Variants in PRKG1 observed in about 807,000 individuals in gnomAD.
The protein encoded by PRKG1 is cGMP-dependent protein kinase 1.
In PRKG1, 35 loss-of-function variants were observed where a neutral mutation model predicts 88.1. The observed-to-expected ratio is 0.40, with a 90% CI of 0.30 to 0.53. The LOEUF (loss-of-function observed/expected upper bound fraction) is 0.53. Ranked by LOEUF, PRKG1 falls within the 20% of genes least tolerant of loss-of-function variation. The probability of loss-of-function intolerance (pLI) is 0.59; values close to 1 mark genes in which losing one functional copy is unlikely to be tolerated. For missense variants in PRKG1, 540 were observed against 839.8 expected (o/e 0.64, Z 4.41); for synonymous variants, 303 against 292.5 (o/e 1.04, Z -0.37).
intron 3 of PRKG1, among the ~76,000 whole-genome samples, chr10:51,484,873 T>G (rs973703442): frequency 1.3e-5 from 2 of 152,226 alleles, no homozygotes; most frequent in Non-Finnish European, 2.9e-5. Flanking sequence ...GTTGTTGTTC[T>G]GTTAAGTACG....
intron 2 of PRKG1, among the ~76,000 whole-genome samples, chr10:51,397,524 G>T (rs772676396): frequency 2.6e-5 from 4 of 152,076 alleles, no homozygotes; most frequent in Non-Finnish European, 5.9e-5. Context: ...ACTTGCTGTG[G>T]TTTAGAGGGT....
At chr10:52,133,473 TAGA>T (rs760706939) in intron 7 of PRKG1, among the ~76,000 whole-genome samples, 1 of 152,170 alleles carries the variant, frequency 6.6e-6, no homozygotes, top group Non-Finnish European at 1.5e-5. Context: ...ACTCAGTTTC[TAGA>T]AGTATAGCTT....
intron 3 of PRKG1, among the ~76,000 whole-genome samples, chr10:51,742,522 A>AGGT (rs1837460775): frequency 6.6e-6 from 1 of 152,170 alleles, no homozygotes; most frequent in Admixed American, 6.6e-5. Flanking sequence ...AGTTGGATGC[A>AGGT]GGTGGTATGA....
intron 7 of PRKG1, among the ~76,000 whole-genome samples, chr10:52,063,831 A>T (rs1435874848): frequency 6.6e-6 from 1 of 151,878 alleles, no homozygotes; most frequent in Non-Finnish European, 1.5e-5. Flanking sequence ...TCATCCCATC[A>T]TCTGCAGCTC....
chr10:51,540,523 T>C (rs1055750093), intron 3 of PRKG1, among the ~76,000 whole-genome samples: 9 of 152,160 alleles, frequency 5.9e-5, no homozygotes, highest in South Asian at 4.1e-4. Flanking sequence ...ATAAATTAGA[T>C]AGATAATAGA....
At chr10:52,058,753 T>C (rs562859547) in intron 6 of PRKG1, among the ~76,000 whole-genome samples, 1 of 151,226 alleles carries the variant, frequency 6.6e-6, no homozygotes, top group Admixed American at 6.6e-5. Flanking sequence ...ATAGGAAGAG[T>C]TCCTAGGCAT....
At chr10:51,085,246 G>A (rs747674899) in intron 1 of PRKG1, among the ~76,000 whole-genome samples, 3 of 152,142 alleles carry the variant, frequency 2.0e-5, no homozygotes, top group African/African-American at 4.8e-5. Context: ...TAATTCACTG[G>A]TGACTAAGTA....
intron 3 of PRKG1, among the ~76,000 whole-genome samples, chr10:51,728,464 T>G (rs1443184638): frequency 2.0e-5 from 3 of 148,496 alleles, no homozygotes; most frequent in African/African-American, 2.5e-5. Context: ...TTTTTTTTTT[T>G]TTTTTTTTTT....
chr10:51,085,274 G>A (rs1844220015), intron 1 of PRKG1, among the ~76,000 whole-genome samples: 1 of 152,166 alleles, frequency 6.6e-6, no homozygotes, highest in Non-Finnish European at 1.5e-5. Context: ...TTGTATTAAA[G>A]CGAGTAAGAG....
At chr10:51,283,153 C>T (rs1278385111) in intron 2 of PRKG1, among the ~76,000 whole-genome samples, 3 of 152,018 alleles carry the variant, frequency 2.0e-5, no homozygotes, top group Non-Finnish European at 2.9e-5. Context: ...AGAACCATTG[C>T]TACTGCCACT....
rs1340075667 is a variant in PRKG1 at position 52,100,667 on chromosome 10, T to G, written c.936-33173T>G. Among the ~76,000 whole-genome samples the G allele has an allele frequency of 2.0e-5, 3 of 152,324 alleles. No homozygotes were observed. The East Asian group carries it at 5.8e-4, about 29-fold the overall frequency. On this transcript the variant is annotated intron_variant, in intron 7 of 17. Transcript: ENST00000373980. ...TCTGTTGCCAAGAGACTACTCACTT[T>G]ATGTGAAATTATGGTCAAAACGAGA...
At chr10:52,191,190 G>A (rs150116741) in intron 9 of PRKG1, among the ~76,000 whole-genome samples, 187 of 152,244 alleles carry the variant, frequency 1.2e-3, no homozygotes, top group African/African-American at 3.9e-3. Flanking sequence ...GTCTCGCTCT[G>A]TCGCCAAGGC....
At chr10:51,380,291 T>TATCC (rs1168282989) in intron 2 of PRKG1, among the ~76,000 whole-genome samples, 2 of 152,338 alleles carry the variant, frequency 1.3e-5, no homozygotes, top group East Asian at 1.9e-4. Context: ...GCGAGCTGAT[T>TATCC]ATCCATAGTG....
intron 5 of PRKG1, among the ~76,000 whole-genome samples, chr10:51,943,081 A>G (rs917384417): frequency 1.3e-5 from 2 of 152,050 alleles, no homozygotes; most frequent in Admixed American, 1.3e-4. Flanking sequence ...CTTCCTATCC[A>G]TGAGCATGGA....
chr10:51,795,325 A>G (rs894303097), intron 3 of PRKG1, among the ~76,000 whole-genome samples: 1 of 152,130 alleles, frequency 6.6e-6, no homozygotes, highest in Non-Finnish European at 1.5e-5. Flanking sequence ...TATTAAGTAT[A>G]TAATAATGAT....
At chr10:51,220,962 A>C in intron 2 of PRKG1, among the ~76,000 whole-genome samples, 1 of 152,096 alleles carries the variant, frequency 6.6e-6, no homozygotes, top group South Asian at 2.1e-4. Context: ...ATCTAATCTT[A>C]TAGTATAATA....
chr10:51,964,508 G>A (rs1248645070), intron 5 of PRKG1, among the ~76,000 whole-genome samples: 3 of 152,196 alleles, frequency 2.0e-5, no homozygotes, highest in African/African-American at 7.2e-5. Context: ...GCAGAGCCAT[G>A]TCATCGTGAC....
intron 17 of PRKG1, 68 bp from the exon 18 acceptor site, chr10:52,293,734 C>A: frequency 7.6e-7 from 1 of 1,313,674 alleles, no homozygotes. Context: ...ACAGAATGCA[C>A]TTAAAAATTC....
At position 52,054,500 on chromosome 10, in the gene PRKG1, G is replaced by A; in HGVS notation, c.779G>A (p.Gly260Glu). 1 of 1,613,474 alleles carries A rather than the reference G, an allele frequency of 6.2e-7. No homozygotes were observed. The highest frequency in any genetic ancestry group is 8.5e-7 in the Non-Finnish European group (1 of 1,179,660). ...DVLEETHYEN[G>E]EYIIRQGARG... ...ACTTTTCAGACCCACTATGAAAATG[G>A]AGAATATATTATCAGGCAAGGTGCA... The change falls in exon 6 of 18, where the codon GGA becomes GAA. Residue 260 changes from glycine to glutamate, a missense_variant. Gly to Glu is a moderately conservative substitution (Grantham distance 98). Coordinates refer to ENST00000373980, the MANE Select transcript of PRKG1 (RefSeq NM_006258.4).
Sources: allele counts gnomAD v4.1 joint callset (sites outside exome capture counted in the v4.1 genomes callset), GRCh38; gene constraint gnomAD v4.1.1; transcripts MANE v1.5; gene names NCBI Gene and HGNC (gene_info 2026-07-23, HGNC 2026-07-21).